BLK: variants seen among roughly 807,000 people sequenced by gnomAD.
BLK encodes BLK proto-oncogene, Src family tyrosine kinase, also known as tyrosine-protein kinase Blk.
Under a neutral mutation model 61.8 loss-of-function variants are expected in BLK, and 64 were observed. The observed-to-expected ratio is 1.03, with a 90% CI of 0.85 to 1.27. The LOEUF (loss-of-function observed/expected upper bound fraction) is 1.27. Ranked by LOEUF, BLK falls within the 50% of genes most tolerant of loss-of-function variation. BLK has a pLI of 0.00. For missense variants in BLK, 853 were observed against 660.5 expected, an observed-to-expected ratio of 1.29 and a Z score of -3.19; for synonymous variants, 351 against 272.0, an observed-to-expected ratio of 1.29 and a Z score of -2.86.
chr8:11,521,342 G>A (rs182837111), intron 1 of BLK, among the ~76,000 whole-genome samples: 66 of 152,290 alleles, frequency 4.3e-4, no homozygotes, highest in Middle Eastern at 3.4e-3. Context: ...CAAGGCTGGA[G>A]TGCAATGGCA....
At chr8:11,512,391 C>T (rs1799048061) in intron 1 of BLK, among the ~76,000 whole-genome samples, 1 of 152,206 alleles carries the variant, frequency 6.6e-6, no homozygotes, top group Admixed American at 6.5e-5. Flanking sequence ...CTAAACCCCA[C>T]CCTGAAATCA....
chr8:11,510,035 C>G (rs1297827804), intron 1 of BLK: 1 of 152,158 alleles, frequency 6.6e-6, no homozygotes, highest in African/African-American at 2.4e-5. Flanking sequence ...ACTCTATCAC[C>G]ATTTCAATCA....
intron 8 of BLK, chr8:11,556,000 G>C: frequency 7.0e-6 from 2 of 286,262 alleles, no homozygotes; most frequent in South Asian, 3.7e-5. Context: ...CTCGTGTTCC[G>C]TTTTATCCCT....
At chr8:11,501,867 GGT>G (rs1563418218) in intron 1 of BLK, among the ~76,000 whole-genome samples, 48 of 152,312 alleles carry the variant, frequency 3.2e-4, no homozygotes, top group Middle Eastern at 6.8e-3. Context: ...TGTTGAACTG[GGT>G]AGTAGTTTTT....
intron 1 of BLK, among the ~76,000 whole-genome samples, chr8:11,529,573 C>T (rs778328029): frequency 6.6e-6 from 1 of 152,082 alleles, no homozygotes; most frequent in Non-Finnish European, 1.5e-5. Flanking sequence ...AATCTTGTAG[C>T]CTCCAGCTGC....
intron 3 of BLK, 21 bp downstream of exon 3, chr8:11,546,124 A>G: frequency 2.5e-6 from 4 of 1,613,986 alleles, no homozygotes; most frequent in Non-Finnish European, 3.4e-6. Context: ...TGGTTTGGGA[A>G]GCTGAGGCTC....
intron 6 of BLK, chr8:11,554,309 G>A: frequency 4.0e-6 from 1 of 251,666 alleles, no homozygotes; most frequent in Non-Finnish European, 7.8e-6. Flanking sequence ...GGTACTTGCA[G>A]CTGTGAATGG....
At chr8:11,551,121 G>A (rs1800881236) in intron 6 of BLK, among the ~76,000 whole-genome samples, 1 of 152,134 alleles carries the variant, frequency 6.6e-6, no homozygotes, top group South Asian at 2.1e-4. Flanking sequence ...TCAGCTTGAT[G>A]TAGATAGAAT....
At chr8:11,534,406 C>CG (rs1011909412) in intron 1 of BLK, among the ~76,000 whole-genome samples, 3 of 152,100 alleles carry the variant, frequency 2.0e-5, no homozygotes, top group Non-Finnish European at 4.4e-5. Context: ...GTGTTCCCCC[C>CG]CCAAAAAAAT....
intron 1 of BLK, among the ~76,000 whole-genome samples, chr8:11,527,194 T>C (rs1276712434): frequency 6.6e-6 from 1 of 152,262 alleles, no homozygotes; most frequent in Middle Eastern, 3.4e-3. Context: ...CCAAAGACTA[T>C]ACAAAACTCC....
intron 1 of BLK, among the ~76,000 whole-genome samples, chr8:11,507,849 G>C (rs1798839325): frequency 6.6e-6 from 1 of 152,202 alleles, no homozygotes; most frequent in Admixed American, 6.5e-5. Context: ...CCCCGAGCCA[G>C]CATTTCTACA....
rs553992575 is a variant in BLK, at chr8:11,518,583, C to A, written c.-2+23992C>A. Reference sequence around the variant, plus strand: ...CAATGCCCTAGCTCTGCCATGGCCACCTCTCACCGATCTCCTGCGGTGGCC... The same window carrying A: ...CAATGCCCTAGCTCTGCCATGGCCAACTCTCACCGATCTCCTGCGGTGGCC... On this transcript the variant is annotated intron_variant, in intron 1 of 12. Transcript: ENST00000259089. Among the ~76,000 whole-genome samples the A allele has an allele frequency of 3.9e-5, 6 of 152,190 alleles. 1 individual carries two copies. The South Asian group carries it at 1.2e-3, about 32-fold the overall frequency.
intron 1 of BLK, among the ~76,000 whole-genome samples, chr8:11,529,799 G>GT (rs1422114418): frequency 5.3e-5 from 8 of 152,222 alleles, no homozygotes; most frequent in African/African-American, 1.9e-4. Flanking sequence ...GATGCAGTTG[G>GT]TTAGGTTAGA....
intron 7 of BLK, among the ~76,000 whole-genome samples, 190 bp downstream of exon 7, chr8:11,555,079 C>G (rs1386182007): frequency 6.6e-6 from 1 of 152,192 alleles, no homozygotes; most frequent in African/African-American, 2.4e-5. Context: ...CCTGGCTCAG[C>G]AGGGAACCCC....
Position 11,518,410 on chromosome 8 carries a change from C to G in BLK, c.-2+23819C>G, listed in dbSNP as rs115042399. On this transcript the variant is annotated intron_variant, in intron 1 of 12. Transcript: ENST00000259089. ...ACTGGGTTCTGATTCTGAACACAGACACCCCACTGTAGGTGGATTGGTGGG... is the reference window on the plus strand; with the variant it reads ...ACTGGGTTCTGATTCTGAACACAGAGACCCCACTGTAGGTGGATTGGTGGG... 8.7e-3 allele frequency among the ~76,000 whole-genome samples: 1,321 copies of G among 152,304 alleles called. 7 individuals are homozygous for G. Among genetic ancestry groups the G allele is most frequent in the Middle Eastern group, 0.044 (13 of 294 alleles).
At chr8:11,548,604 G>C (rs1476803057) in intron 4 of BLK, among the ~76,000 whole-genome samples, 1 of 152,202 alleles carries the variant, frequency 6.6e-6, no homozygotes, top group Non-Finnish European at 1.5e-5. Flanking sequence ...GGCTTGTCCT[G>C]TGGAGCTCTG....
intron 1 of BLK, among the ~76,000 whole-genome samples, chr8:11,526,579 C>T (rs1349981477): frequency 6.6e-6 from 1 of 152,110 alleles, no homozygotes; most frequent in Non-Finnish European, 1.5e-5. Flanking sequence ...ATTAGCTGGG[C>T]GTTGTGGCAC....
At chr8:11,550,322 G>C in intron 6 of BLK, 60 bp downstream of exon 6, 1 of 1,526,096 alleles carries the variant, frequency 6.6e-7, no homozygotes, top group Non-Finnish European at 9.1e-7. Flanking sequence ...GGCGCCTCCA[G>C]AGGCCTGGCC....
At chr8:11,550,313 G>C in intron 6 of BLK, 51 bp downstream of exon 6, 1 of 1,574,614 alleles carries the variant, frequency 6.4e-7, no homozygotes, top group Non-Finnish European at 8.7e-7. Flanking sequence ...TCCCGGGAAG[G>C]CGCCTCCAGA....
Sources: gnomAD v4.1 joint callset for allele counts (sites outside exome capture counted in the v4.1 genomes callset) on GRCh38, gnomAD v4.1.1 for gene constraint, MANE v1.5 for transcripts, NCBI Gene and HGNC (gene_info 2026-07-23, HGNC 2026-07-21) for gene names.